Variants in TRAK1 observed in about 807,000 individuals in gnomAD.
The protein encoded by TRAK1 is trafficking kinesin-binding protein 1.
In TRAK1, 33 loss-of-function variants were observed where a neutral mutation model predicts 92.1. The ratio of observed to expected loss-of-function variants is 0.36; its 90% CI spans 0.27 to 0.48. The LOEUF (loss-of-function observed/expected upper bound fraction) is 0.48. Ranked by LOEUF, TRAK1 falls within the 20% of genes least tolerant of loss-of-function variation. The probability of loss-of-function intolerance (pLI) is 0.99; values close to 1 mark genes in which losing one functional copy is unlikely to be tolerated. For missense variants in TRAK1, 1,123 were observed against 1,257.9 expected (o/e 0.89, Z 1.62); for synonymous variants, 521 against 517.3 (o/e 1.01, Z -0.10).
intron 1 of TRAK1, among the ~76,000 whole-genome samples, chr3:42,016,192 A>AT (rs764731707): frequency 4.0e-5 from 6 of 151,560 alleles, no homozygotes; most frequent in Non-Finnish European, 8.8e-5. Flanking sequence ...CTGTCATTGC[A>AT]TTCTGGTTTT....
chr3:42,219,797 T>TG (rs1268675515), intron 15 of TRAK1, among the ~76,000 whole-genome samples: 8 of 141,710 alleles, frequency 5.6e-5, no homozygotes, highest in Admixed American at 4.9e-4. Context: ...TTTTTTTTTT[T>TG]TTTTTTTTTT....
At chr3:42,169,979 C>T (rs1376316052) in intron 2 of TRAK1, among the ~76,000 whole-genome samples, 2 of 152,082 alleles carry the variant, frequency 1.3e-5, no homozygotes, top group Admixed American at 6.6e-5. Context: ...AAAGACAGTC[C>T]GTACGAGAAG....
intron 5 of TRAK1, 142 bp downstream of exon 5, chr3:42,188,287 A>C (rs1705190654): frequency 2.8e-6 from 2 of 717,248 alleles, no homozygotes; most frequent in Non-Finnish European, 4.9e-6. Flanking sequence ...AAACACCTCC[A>C]AGTGCCTCAA....
intron 10 of TRAK1, among the ~76,000 whole-genome samples, chr3:42,197,216 C>T (rs1035788920): frequency 1.3e-5 from 2 of 152,054 alleles, no homozygotes; most frequent in Admixed American, 6.5e-5. Flanking sequence ...TTTGAAATTA[C>T]AGTCATCCCT....
upstream of TRAK1, among the ~76,000 whole-genome samples, chr3:42,086,761 A>G (rs1300821373): frequency 1.3e-5 from 2 of 152,202 alleles, no homozygotes; most frequent in African/African-American, 4.8e-5. Flanking sequence ...CCATATACAA[A>G]TAAAAATGTT....
chr3:42,209,391 T>C (rs897710474), intron 13 of TRAK1, among the ~76,000 whole-genome samples: 2 of 152,224 alleles, frequency 1.3e-5, no homozygotes, highest in African/African-American at 4.8e-5. Context: ...TTTGTGCTTA[T>C]CTTGCCATTT....
chr3:42,086,603 C>T (rs1375474833), upstream of TRAK1, among the ~76,000 whole-genome samples: 2 of 152,198 alleles, frequency 1.3e-5, no homozygotes, highest in Non-Finnish European at 1.5e-5. Flanking sequence ...AGGAGTGAGT[C>T]ACCGTGTCCA....
intron 1 of TRAK1, among the ~76,000 whole-genome samples, chr3:42,109,878 CACTT>C (rs1308552678): frequency 2.0e-5 from 3 of 151,534 alleles, no homozygotes; most frequent in Non-Finnish European, 4.4e-5. Flanking sequence ...CGCATTTTCT[CACTT>C]ACAGGCGGGA....
At chr3:42,093,348 C>T (rs888124177) in intron 1 of TRAK1, among the ~76,000 whole-genome samples, 2 of 152,034 alleles carry the variant, frequency 1.3e-5, no homozygotes, top group Non-Finnish European at 1.5e-5. Flanking sequence ...GAAACATTCA[C>T]CTCTGCCTTT....
chr3:42,205,597 C>A lies in TRAK1; in HGVS notation c.1744+2845C>A, dbSNP rs561303469. Among the ~76,000 whole-genome samples, 21 of 152,288 alleles carry A rather than the reference C, an allele frequency of 1.4e-4. No homozygotes were observed. The South Asian group carries it at 2.1e-3, about 15-fold the overall frequency. Reference sequence around the variant, plus strand: ...AGACCAAGGCGGGCAGTATTTTTTTCCTGTAATTTGCACTTCCTTTCTGCT... The same window carrying A: ...AGACCAAGGCGGGCAGTATTTTTTTACTGTAATTTGCACTTCCTTTCTGCT... On this transcript the variant is annotated intron_variant, in intron 13 of 15. Transcript: ENST00000327628.
intron 1 of TRAK1, among the ~76,000 whole-genome samples, chr3:42,108,181 C>T (rs1368500956): frequency 6.6e-6 from 1 of 151,944 alleles, no homozygotes; most frequent in African/African-American, 2.4e-5. Flanking sequence ...TACCATGTCT[C>T]CTTGACTATA....
chr3:42,220,418 G>A (rs1418026183), intron 15 of TRAK1: 2 of 921,584 alleles, frequency 2.2e-6, no homozygotes, highest in Non-Finnish European at 2.6e-6. Flanking sequence ...GGTGTAAGAT[G>A]CTGGGTTGCT....
intron 1 of TRAK1, among the ~76,000 whole-genome samples, chr3:42,030,397 G>T (rs1379474632): frequency 6.8e-6 from 1 of 146,012 alleles, no homozygotes; most frequent in Non-Finnish European, 1.5e-5. Context: ...ATATGGCCGG[G>T]CGTGGTAGCT....
At chr3:42,203,339 C>G (rs1707914769) in intron 13 of TRAK1, 1 of 987,126 alleles carries the variant, frequency 1.0e-6, no homozygotes, top group South Asian at 4.7e-5. Flanking sequence ...ATTTGGAGTC[C>G]AGGAAGGGGT....
intron 1 of TRAK1, among the ~76,000 whole-genome samples, chr3:42,070,098 C>G (rs371188169): frequency 1.3e-5 from 2 of 151,872 alleles, no homozygotes; most frequent in Non-Finnish European, 2.9e-5. Context: ...GTGATCTGCC[C>G]GCCTTGGCCC....
chr3:42,019,349 C>T (rs1701648592), intron 1 of TRAK1, among the ~76,000 whole-genome samples: 4 of 152,158 alleles, frequency 2.6e-5, no homozygotes, highest in African/African-American at 9.7e-5. Context: ...GATCATAGCT[C>T]ACTGTAACCT....
intron 1 of TRAK1, among the ~76,000 whole-genome samples, chr3:42,093,206 GT>G (rs539895918): frequency 4.4e-4 from 65 of 148,074 alleles, no homozygotes; most frequent in African/African-American, 1.2e-3. Flanking sequence ...TAATTTAGAA[GT>G]TTTTTTTTTT....
At chr3:42,041,228 A>G (rs1035161506) in intron 1 of TRAK1, among the ~76,000 whole-genome samples, 5 of 151,110 alleles carry the variant, frequency 3.3e-5, no homozygotes, top group Non-Finnish European at 7.4e-5. Flanking sequence ...AACAATATTA[A>G]GCCTTCCAAT....
intron 1 of TRAK1, among the ~76,000 whole-genome samples, chr3:42,047,869 A>G (rs964756407): frequency 1.3e-5 from 2 of 151,124 alleles, no homozygotes; most frequent in Non-Finnish European, 2.9e-5. Context: ...ATTTTCATCA[A>G]GGCAATCATA....
Sources: allele counts gnomAD v4.1 joint callset (sites outside exome capture counted in the v4.1 genomes callset), GRCh38; gene constraint gnomAD v4.1.1; transcripts MANE v1.5; gene names NCBI Gene and HGNC (gene_info 2026-07-23, HGNC 2026-07-21).